The following MAST4 variants were observed in gnomAD, a reference collection of about 807,000 sequenced individuals.
The protein encoded by MAST4 is microtubule associated serine/threonine kinase family member 4.
In MAST4, 89 loss-of-function variants were observed where a neutral mutation model predicts 162.7. The ratio of observed to expected loss-of-function variants is 0.55; its 90% CI spans 0.46 to 0.65. The LOEUF (loss-of-function observed/expected upper bound fraction) is 0.65. Among genes scored for constraint, MAST4 ranks in the 30% least tolerant of loss-of-function variants. The probability of loss-of-function intolerance (pLI) is 0.00; values close to 1 mark genes in which losing one functional copy is unlikely to be tolerated. For synonymous variants in MAST4, 1,479 were observed against 1,361.1 expected, an observed-to-expected ratio of 1.09 and a Z score of -1.91; for missense variants, 3,153 against 3,374.0, an observed-to-expected ratio of 0.93 and a Z score of 1.62.
At chr5:66,933,758 C>T (rs73101962) in intron 4 of MAST4, among the ~76,000 whole-genome samples, 14,149 of 152,148 alleles carry the variant, frequency 0.093, 926 homozygotes, top group African/African-American at 0.19. Context: ...TATTTAGAGG[C>T]ATTCTTCTAA....
At chr5:67,055,676 A>G (rs1758710310) in intron 5 of MAST4, among the ~76,000 whole-genome samples, 1 of 152,240 alleles carries the variant, frequency 6.6e-6, no homozygotes, top group Admixed American at 6.5e-5. Flanking sequence ...TAACATCTAG[A>G]AAGGCCTTTC....
intron 14 of MAST4, among the ~76,000 whole-genome samples, chr5:67,125,271 C>A (rs1430539935): frequency 2.7e-5 from 4 of 147,810 alleles, no homozygotes; most frequent in African/African-American, 7.5e-5. Flanking sequence ...TGTTATTATA[C>A]TTTTAAGTTC....
intron 3 of MAST4, among the ~76,000 whole-genome samples, chr5:66,885,388 A>T (rs1433348193): frequency 6.6e-6 from 1 of 152,228 alleles, no homozygotes; most frequent in East Asian, 1.9e-4. Context: ...GAAAAATACA[A>T]AATGCAGAGT....
At chr5:66,665,217 ATTGT>A (rs150378785) in intron 1 of MAST4, among the ~76,000 whole-genome samples, 7,627 of 152,202 alleles carry the variant, frequency 0.05, 213 homozygotes, top group Admixed American at 0.1. Flanking sequence ...CAAGTCTTTG[ATTGT>A]TTGTTTCTTT....
Position 67,005,233 on chromosome 5 carries a change from C to T in MAST4, c.675-49171C>T, listed in dbSNP as rs574076462. On this transcript the variant is annotated intron_variant, in intron 4 of 28. Transcript: ENST00000403625. ...TTATGCCCCGCTAGGGGAGGGGGTA[C>T]TGTTTCAGGTATTTCTTCGTCCTTG... 2.8e-4 allele frequency: 179 copies of T among 644,432 alleles called. No homozygotes were observed. The African/African-American group carries it at 3.0e-3, about 11-fold the overall frequency. 39.9% of individuals were successfully genotyped at this position (644,432 alleles called of 1,614,324 possible).
rs114138284 is a variant in MAST4 at position 67,080,001 on chromosome 5, G to A, written c.764-10161G>A. On this transcript the variant is annotated intron_variant, in intron 5 of 28. Coordinates refer to ENST00000403625, the MANE Select transcript of MAST4 (RefSeq NM_001164664.2). The stretch of plus-strand genomic sequence containing the variant: ...GTACTTTACTGTCCAGCTTCTTAGC[G>A]CTAGTCTGCCTTAGAGTCGTCACAC... Among the ~76,000 whole-genome samples the A allele has an allele frequency of 4.7e-3, 714 of 152,282 alleles. 8 individuals carry two copies. The highest frequency in any genetic ancestry group is 0.016 in the African/African-American group (662 of 41,568).
At chr5:66,815,556 AT>A (rs1409014232) in intron 3 of MAST4, among the ~76,000 whole-genome samples, 1 of 152,212 alleles carries the variant, frequency 6.6e-6, no homozygotes, top group South Asian at 2.1e-4. Context: ...CCTGGAACTT[AT>A]CCCTGGAGTG....
At chr5:66,987,227 T>C (rs1749611726) in intron 4 of MAST4, among the ~76,000 whole-genome samples, 1 of 152,178 alleles carries the variant, frequency 6.6e-6, no homozygotes, top group Middle Eastern at 3.2e-3. Flanking sequence ...TGTTTTTGCT[T>C]TCTTAAGTGA....
chr5:66,723,780 A>G (rs1006851656), intron 1 of MAST4, among the ~76,000 whole-genome samples: 1 of 152,146 alleles, frequency 6.6e-6, no homozygotes, highest in African/African-American at 2.4e-5. Context: ...TCTCACCCAG[A>G]TCATTTAAGA....
chr5:66,953,477 T>C (rs1376915765), intron 4 of MAST4, among the ~76,000 whole-genome samples: 1 of 152,204 alleles, frequency 6.6e-6, no homozygotes, highest in Non-Finnish European at 1.5e-5. Flanking sequence ...AAGAATTCCA[T>C]ATCTAGGTTG....
intron 14 of MAST4, among the ~76,000 whole-genome samples, chr5:67,129,102 T>C (rs1205057445): frequency 6.6e-6 from 1 of 152,146 alleles, no homozygotes; most frequent in Non-Finnish European, 1.5e-5. Flanking sequence ...TAGGCAGAGA[T>C]TGAGTGTAGC....
intron 3 of MAST4, among the ~76,000 whole-genome samples, chr5:66,817,942 T>A (rs531916902): frequency 6.6e-6 from 1 of 152,212 alleles, no homozygotes; most frequent in African/African-American, 2.4e-5. Context: ...ATCCAAGAAG[T>A]TAAATCAACT....
intron 4 of MAST4, among the ~76,000 whole-genome samples, chr5:67,049,757 G>T (rs1757944812): frequency 6.6e-6 from 1 of 152,110 alleles, no homozygotes; most frequent in African/African-American, 2.4e-5. Flanking sequence ...GCCTGTCGGG[G>T]TTTCCTCTCT....
In MAST4 at chr5:66,856,557, T is replaced by C. The variant is rs556472546; in HGVS notation, c.643-43394T>C. Among the ~76,000 whole-genome samples the C allele has an allele frequency of 5.9e-5, 9 of 152,354 alleles. No homozygotes were observed. The East Asian group carries it at 1.3e-3, about 23-fold the overall frequency. On this transcript the variant is annotated intron_variant, in intron 3 of 28. Coordinates refer to ENST00000403625, the MANE Select transcript of MAST4 (RefSeq NM_001164664.2). ...AGTTTTGAAGAGTTATTAATTGCCC[T>C]CACATGTGCCAGTCAATGTCAGTGC...
rs1324132136 is a variant in MAST4, at chr5:67,142,540, G to A, written c.2730+7G>A. The stretch of plus-strand genomic sequence containing the variant: ...TTCACACAGGTTTTCAAAAGTAAGT[G>A]AAATGTGGCATAAACATACAGAGTC... On this transcript the variant is annotated splice_region_variant and intron_variant, in intron 21 of 28. Coordinates refer to ENST00000403625, the MANE Select transcript of MAST4 (RefSeq NM_001164664.2). The A allele has an allele frequency of 2.6e-6, 4 of 1,519,076 alleles. No individual in the cohort carries two copies. The highest frequency in any genetic ancestry group is 1.4e-5 in the African/African-American group (1 of 72,836). 94.1% of individuals were successfully genotyped at this position (1,519,076 alleles called of 1,614,324 possible).
At chr5:66,620,046 GCTT>G (rs1244557600) in intron 1 of MAST4, among the ~76,000 whole-genome samples, 7 of 82,728 alleles carry the variant, frequency 8.5e-5, no homozygotes, top group Non-Finnish European at 1.4e-4. Flanking sequence ...GACTTAGGTT[GCTT>G]TTTTTTTTTT....
intron 4 of MAST4, 23 bp from the exon 5 acceptor site, chr5:67,054,381 T>G (rs574757769): frequency 7.5e-5 from 118 of 1,573,138 alleles, no homozygotes; most frequent in Non-Finnish European, 9.2e-5. Flanking sequence ...TTTTAAACTT[T>G]GTTTTTTCTT....
intron 4 of MAST4, among the ~76,000 whole-genome samples, chr5:66,947,254 G>A (rs1744146682): frequency 6.6e-6 from 1 of 151,988 alleles, no homozygotes; most frequent in Admixed American, 6.6e-5. Context: ...GACTTTTATG[G>A]TCCCTGTAGG....
chr5:66,713,571 CCCT>C (rs909815200), intron 1 of MAST4, among the ~76,000 whole-genome samples: 3 of 152,146 alleles, frequency 2.0e-5, no homozygotes, highest in Non-Finnish European at 2.9e-5. Flanking sequence ...GGCTTGTTTA[CCCT>C]CCTCCATTTC....
Sources: allele counts gnomAD v4.1 joint callset (sites outside exome capture counted in the v4.1 genomes callset), GRCh38; gene constraint gnomAD v4.1.1; transcripts MANE v1.5; gene names NCBI Gene and HGNC (gene_info 2026-07-23, HGNC 2026-07-21).